The following PNISR variants were observed in gnomAD, a reference collection of about 807,000 sequenced individuals.
PNISR encodes the protein PNN interacting serine and arginine rich protein, also known as arginine/serine-rich protein PNISR.
Under a neutral mutation model 93.4 loss-of-function variants are expected in PNISR, and 20 were observed. The ratio of observed to expected loss-of-function variants is 0.21; its 90% CI spans 0.15 to 0.31. The LOEUF (loss-of-function observed/expected upper bound fraction) is 0.31, where lower values mean the gene tolerates loss of function less well. Among genes scored for constraint, PNISR ranks in the 10% least tolerant of loss-of-function variants. PNISR has a pLI of 1.00. For synonymous variants in PNISR, 305 were observed against 306.5 expected (o/e 0.99, Z 0.05); for missense variants, 893 against 985.4 (o/e 0.91, Z 1.25).
At position 99,414,572 on chromosome 6, in the gene PNISR, T is replaced by C. The variant is rs1227337899; in HGVS notation, c.88A>G (p.Ser30Gly). Reference sequence around the variant, plus strand: ...TTTCAAATTCAATTTGTTTCCTTACTTGGATCCTGTTGGTGCTGGAATGAC... The same window carrying C: ...TTTCAAATTCAATTTGTTTCCTTACCTGGATCCTGTTGGTGCTGGAATGAC... ...MQSFQHQQDP[S>G]QIDWAALAQA... The change falls in exon 3 of 12, where the codon AGC becomes GGC. Residue 30 changes from serine (S) to glycine (G), a missense_variant and splice_region_variant. By Grantham distance (56) the Ser-to-Gly change is moderately conservative (BLOSUM62 0). This residue lies in a region of PNISR where 24 missense variants were observed against 32.9 expected (regional missense o/e 0.73). Transcript: ENST00000369239. The C allele has an allele frequency of 6.5e-7, 1 of 1,544,656 alleles. No individual in the cohort carries two copies. Among genetic ancestry groups the C allele is most frequent in the Non-Finnish European group, 8.9e-7 (1 of 1,118,170 alleles).
intron 3 of PNISR, among the ~76,000 whole-genome samples, chr6:99,413,434 CCATTCATCCATG>C (rs990202561): frequency 3.5e-5 from 5 of 143,324 alleles, no homozygotes; most frequent in African/African-American, 1.3e-4. Context: ...ATCCATCCAT[CCATTCATCCATG>C]ATCCATCCAT....
intron 1 of PNISR, among the ~76,000 whole-genome samples, chr6:99,422,020 C>T (rs1054041320): frequency 5.3e-5 from 8 of 152,026 alleles, no homozygotes; most frequent in Admixed American, 1.3e-4. Flanking sequence ...TGCATGCCAC[C>T]GCGCGAGGAT....
chr6:99,406,249 C>T (rs750375445), intron 7 of PNISR, 81 bp from the exon 8 acceptor site: 102 of 832,166 alleles, frequency 1.2e-4, no homozygotes, highest in Non-Finnish European at 1.7e-4. Context: ...AATCTTAAAC[C>T]CCAAATTAAA....
intron 1 of PNISR, among the ~76,000 whole-genome samples, chr6:99,420,085 C>T (rs1349579296): frequency 1.3e-5 from 2 of 152,096 alleles, no homozygotes; most frequent in Non-Finnish European, 2.9e-5. Flanking sequence ...GGGTTTCACC[C>T]TGTTAGCCAG....
At chr6:99,418,146 TA>T (rs1303456837) in intron 1 of PNISR, among the ~76,000 whole-genome samples, 1 of 151,914 alleles carries the variant, frequency 6.6e-6, no homozygotes, top group Non-Finnish European at 1.5e-5. Context: ...ATTATTATTA[TA>T]TTTTTTTTGA....
At position 99,398,747 on chromosome 6, in the gene PNISR, T is replaced by A. The variant is rs1386080064; in HGVS notation, c.*1793A>T. The A allele has an allele frequency of 6.6e-6, 1 of 152,142 alleles. No individual in the cohort carries two copies. Among genetic ancestry groups the A allele is most frequent in the African/African-American group, 2.4e-5 (1 of 41,456 alleles). The allele number at this position is 152,142 out of a possible 1,614,324, so 9.4% of individuals were successfully genotyped here. Reference sequence around the variant, plus strand: ...ATATGAAAATGTTATACAACTTATCTATTACAAATTAATCAGATAATTCTG... The same window carrying A: ...ATATGAAAATGTTATACAACTTATCAATTACAAATTAATCAGATAATTCTG... On this transcript the variant is annotated 3_prime_UTR_variant, in exon 12 of 12. Transcript: ENST00000369239.
Position 99,416,416 on chromosome 6 carries a change from G to A in PNISR, c.-99C>T, listed in dbSNP as rs1777701829. On this transcript the variant is annotated 5_prime_UTR_variant, in exon 2 of 12. Transcript: ENST00000369239. ...CTACAGCTTCGAAGCATAGCAGCAA[G>A]ATTATGTATGCCCTAGGGGGAAAAA... The A allele has an allele frequency of 1.7e-6, 2 of 1,197,706 alleles. No homozygotes were observed. Among genetic ancestry groups the A allele is most frequent in the Non-Finnish European group, 2.1e-6 (2 of 957,028 alleles). 74.2% of individuals were successfully genotyped at this position (1,197,706 alleles called of 1,614,324 possible). A position where few individuals can be genotyped will look rare whatever the true frequency, so the allele number is the denominator to read the frequency against.
chr6:99,421,997 C>G (rs1778627337), intron 1 of PNISR, among the ~76,000 whole-genome samples: 1 of 151,998 alleles, frequency 6.6e-6, no homozygotes, highest in African/African-American at 2.4e-5. Context: ...TCCCGAGTAG[C>G]TGGGACTACA....
chr6:99,416,644 A>G (rs1777737601), intron 1 of PNISR, among the ~76,000 whole-genome samples: 1 of 152,182 alleles, frequency 6.6e-6, no homozygotes, highest in African/African-American at 2.4e-5. Flanking sequence ...TTTTCTTTCC[A>G]AATCTTTTAT....
At chr6:99,420,853 T>G (rs1184655195) in intron 1 of PNISR, among the ~76,000 whole-genome samples, 2 of 152,238 alleles carry the variant, frequency 1.3e-5, no homozygotes, top group Admixed American at 6.5e-5. Flanking sequence ...TAAATTTTCA[T>G]GTTTTTGTCT....
rs773620285 is a variant in PNISR, at chr6:99,409,234, T to C, written c.612A>G (p.Ser204=). The C allele has an allele frequency of 6.2e-7, 1 of 1,614,066 alleles. No homozygotes were observed. The highest frequency in any genetic ancestry group is 8.5e-7 in the Non-Finnish European group (1 of 1,179,968). ...TAGGTGAACGCTGACGATCCCTGAA[T>C]GATGATGGCCTTTCTCTTCGATTCT... The part of the protein sequence containing the change: ...PPQNRRERPS[S]FRDRQRSPIA... The change falls in exon 6 of 12, where the codon TCA becomes TCG. Residue 204 remains serine (S), a synonymous_variant. Transcript: ENST00000369239.
At chr6:99,406,208 A>G (rs775233818) in intron 7 of PNISR, 40 bp from the exon 8 acceptor site, 2 of 1,397,428 alleles carry the variant, frequency 1.4e-6, no homozygotes, top group African/African-American at 2.9e-5. Context: ...ATTCATGTGT[A>G]TAATGTAAAA....
At chr6:99,416,515 A>G (rs974807748) in intron 1 of PNISR, 87 bp from the exon 2 acceptor site, 5 of 426,212 alleles carry the variant, frequency 1.2e-5, no homozygotes, top group African/African-American at 2.0e-5. Flanking sequence ...AAGTGTGATC[A>G]TCTCCAAGTT....
chr6:99,411,635 A>G (rs977544187), intron 4 of PNISR: 1 of 136,482 alleles, frequency 7.3e-6, no homozygotes, highest in South Asian at 2.3e-4. Context: ...TTTGTTTTAA[A>G]TGAGGGACTC....
chr6:99,420,893 G>A (rs1778468313), intron 1 of PNISR, among the ~76,000 whole-genome samples: 1 of 152,140 alleles, frequency 6.6e-6, no homozygotes, highest in African/African-American at 2.4e-5. Context: ...CTTTAGGGGA[G>A]AGAAAACATT....
chr6:99,408,132 T>C lies in PNISR; in HGVS notation c.813A>G (p.Thr271=), dbSNP rs1390323777. The C allele has an allele frequency of 1.9e-6, 3 of 1,612,388 alleles. No homozygotes were observed. The change falls in exon 7 of 12, where the codon ACA becomes ACG. Residue 271 remains threonine, a synonymous_variant. Coordinates refer to ENST00000369239, the MANE Select transcript of PNISR (RefSeq NM_032870.4). Reference sequence around the variant, plus strand: ...GGCCATCCCCTCCTTCAGCATCTTCTGTGGCCTTTTTTTCTTTTTTGGACA... The same window carrying C: ...GGCCATCCCCTCCTTCAGCATCTTCCGTGGCCTTTTTTTCTTTTTTGGACA... ...SQLSKKEKKA[T]EDAEGGDGPR...
At chr6:99,411,034 C>T (rs775022134) in intron 4 of PNISR, 70 bp from the exon 5 acceptor site, 17 of 1,166,650 alleles carry the variant, frequency 1.5e-5, no homozygotes, top group Non-Finnish European at 2.1e-5. Flanking sequence ...ATTTTAAGAT[C>T]TCAAGAAAGA....
chr6:99,401,665 G>A, intron 11 of PNISR, 35 bp from the exon 12 acceptor site: 3 of 1,465,932 alleles, frequency 2.0e-6, no homozygotes, highest in Non-Finnish European at 2.7e-6. Context: ...CTAAGAAAAT[G>A]TTCATGTAAA....
chr6:99,422,886 A>AAAAC (rs1778770723), intron 1 of PNISR, among the ~76,000 whole-genome samples: 1 of 151,480 alleles, frequency 6.6e-6, no homozygotes, highest in African/African-American at 2.4e-5. Flanking sequence ...CAAAAAAAAA[A>AAAAC]AAAAAAAAAA....
Sources: allele counts gnomAD v4.1 joint callset (sites outside exome capture counted in the v4.1 genomes callset), GRCh38; gene constraint gnomAD v4.1.1; regional missense constraint gnomAD v4.1.1; transcripts MANE v1.5; gene names NCBI Gene and HGNC (gene_info 2026-07-23, HGNC 2026-07-21).